Variants in BANP observed in about 807,000 individuals in gnomAD.
BANP encodes protein BANP.
Under a neutral mutation model 68.1 loss-of-function variants are expected in BANP, and 11 were observed. The observed-to-expected ratio is 0.16, with a 90% CI of 0.10 to 0.27. The LOEUF (loss-of-function observed/expected upper bound fraction) is 0.27. BANP is among the 10% of genes least tolerant of loss of function. The probability of loss-of-function intolerance (pLI) is 1.00; values close to 1 mark genes in which losing one functional copy is unlikely to be tolerated. For missense variants in BANP, 504 were observed against 722.7 expected (o/e 0.70, Z 3.47); for synonymous variants, 329 against 303.2 (o/e 1.09, Z -0.88).
intron 8 of BANP, among the ~76,000 whole-genome samples, chr16:88,029,709 G>C (rs2077742789): frequency 6.6e-6 from 1 of 151,976 alleles, no homozygotes; most frequent in Non-Finnish European, 1.5e-5. Context: ...GACAAAATTT[G>C]TGTCTGTGAA....
intron 7 of BANP, among the ~76,000 whole-genome samples, chr16:88,020,361 A>G (rs1232475136): frequency 6.6e-6 from 1 of 152,252 alleles, no homozygotes; most frequent in Non-Finnish European, 1.5e-5. Context: ...TGGCGTGGCC[A>G]GGAGCACACA....
chr16:88,002,536 A>G lies in BANP; in HGVS notation c.363-1759A>G, dbSNP rs139620914. Among the ~76,000 whole-genome samples, 1 of 152,264 alleles carries G rather than the reference A, an allele frequency of 6.6e-6. No homozygotes were observed. Among genetic ancestry groups the G allele is most frequent in the African/African-American group, 2.4e-5 (1 of 41,544 alleles). Reference sequence around the variant, plus strand: ...ACACACACATTGAGATACTCGCTCAAGGAGAGTCATCTTTAGGCAACAGGA... The same window carrying G: ...ACACACACATTGAGATACTCGCTCAGGGAGAGTCATCTTTAGGCAACAGGA... On this transcript the variant is annotated intron_variant, in intron 4 of 13. Transcript: ENST00000682872. This position sits in a 1 kb window ranked among gnomAD's most constrained non-coding sequence, Gnocchi z 4.6.
At chr16:87,990,585 A>G (rs1006465803) in intron 4 of BANP, among the ~76,000 whole-genome samples, 5 of 152,326 alleles carry the variant, frequency 3.3e-5, no homozygotes, top group African/African-American at 1.2e-4. Context: ...GAATCTGACA[A>G]ACTCAAGGGA....
chr16:88,026,542 C>G lies in BANP; in HGVS notation c.896-941C>G, dbSNP rs141641859. ...GAGTAACAGTGCATACATGAATTCT[C>G]CAAACTGTGTTTGCGAGGGGAACAG... On this transcript the variant is annotated intron_variant, in intron 7 of 13. Coordinates refer to ENST00000682872, the MANE Select transcript of BANP (RefSeq NM_001386991.1). 5.3e-3 allele frequency among the ~76,000 whole-genome samples: 808 copies of G among 152,276 alleles called. 7 individuals are homozygous for G. Among genetic ancestry groups the G allele is most frequent in the African/African-American group, 0.018 (756 of 41,546 alleles).
chr16:88,004,449 C>G lies in BANP; in HGVS notation c.479+38C>G. The G allele has an allele frequency of 8.6e-7, 1 of 1,160,718 alleles. No homozygotes were observed. The highest frequency in any genetic ancestry group is 1.2e-6 in the Non-Finnish European group (1 of 808,548). 71.9% of individuals were successfully genotyped at this position (1,160,718 alleles called of 1,614,324 possible). ...GCACCAACCCCACCTTTCCCTGCCACTGTGCGGAGTCCCATGAGAATAAGT... is the reference window on the plus strand; with the variant it reads ...GCACCAACCCCACCTTTCCCTGCCAGTGTGCGGAGTCCCATGAGAATAAGT... On this transcript the variant is annotated intron_variant, in intron 5 of 13. Coordinates refer to ENST00000682872, the MANE Select transcript of BANP (RefSeq NM_001386991.1). The surrounding 1 kb of genome is among the most constrained non-coding windows in gnomAD (Gnocchi z 7.0).
chr16:87,994,912 TA>T (rs1266891312), intron 4 of BANP, among the ~76,000 whole-genome samples: 2 of 152,208 alleles, frequency 1.3e-5, no homozygotes, highest in Non-Finnish European at 2.9e-5. Context: ...GACTTGTGAT[TA>T]GCATGGTGGG....
intron 4 of BANP, among the ~76,000 whole-genome samples, chr16:87,990,754 C>CTTTTG (rs771403112): frequency 3.4e-4 from 51 of 152,134 alleles, no homozygotes; most frequent in African/African-American, 9.6e-4. Flanking sequence ...CAGCTGCATA[C>CTTTTG]TTTTGTTTTG....
chr16:88,052,947 C>T (rs2083640631), intron 11 of BANP, among the ~76,000 whole-genome samples: 1 of 151,462 alleles, frequency 6.6e-6, no homozygotes, highest in Non-Finnish European at 1.5e-5. Flanking sequence ...CCATCACCAC[C>T]TTCACCACTA....
intron 2 of BANP, chr16:87,980,804 G>A: frequency 5.8e-6 from 3 of 518,142 alleles, no homozygotes; most frequent in Non-Finnish European, 1.0e-5. Context: ...TTTGGAGTTA[G>A]GACTGACTCA....
chr16:87,973,532 A>T (rs985854089), intron 1 of BANP, among the ~76,000 whole-genome samples: 9 of 152,178 alleles, frequency 5.9e-5, no homozygotes, highest in Non-Finnish European at 1.0e-4. Flanking sequence ...AGGCCGAGGC[A>T]TGCGGATCAC....
At chr16:87,987,235 C>T (rs995810805) in intron 4 of BANP, among the ~76,000 whole-genome samples, 5 of 152,076 alleles carry the variant, frequency 3.3e-5, no homozygotes, top group African/African-American at 4.8e-5. Flanking sequence ...TGCACCACGC[C>T]GCCTAGCTAA....
intron 11 of BANP, among the ~76,000 whole-genome samples, chr16:88,051,269 T>G (rs992855772): frequency 1.3e-5 from 2 of 152,206 alleles, no homozygotes; most frequent in Non-Finnish European, 2.9e-5. Context: ...GGGCAAAATG[T>G]CCATGCCAGA....
At chr16:88,035,793 C>A (rs556465577) in intron 10 of BANP, among the ~76,000 whole-genome samples, 1 of 152,208 alleles carries the variant, frequency 6.6e-6, no homozygotes, top group African/African-American at 2.4e-5. Context: ...CCATGTGGCC[C>A]CAGCTTCCTA....
At chr16:87,953,515 T>C (rs764247344) in intron 1 of BANP, among the ~76,000 whole-genome samples, 1 of 152,240 alleles carries the variant, frequency 6.6e-6, no homozygotes, top group Non-Finnish European at 1.5e-5. Context: ...AGCTGATATT[T>C]TGTATTACAC....
intron 2 of BANP, among the ~76,000 whole-genome samples, chr16:87,975,511 T>G (rs117303605): frequency 1.3e-5 from 2 of 152,172 alleles, no homozygotes; most frequent in Non-Finnish European, 2.9e-5. Context: ...CTTTACCATG[T>G]TGTATGTGTA....
At chr16:88,010,782 C>T (rs549350638) in intron 6 of BANP, among the ~76,000 whole-genome samples, 2 of 152,118 alleles carry the variant, frequency 1.3e-5, no homozygotes, top group African/African-American at 2.4e-5. Flanking sequence ...TATGCTGTGC[C>T]GATTCACACA....
At chr16:88,025,039 T>C (rs2076724093) in intron 7 of BANP, among the ~76,000 whole-genome samples, 1 of 152,186 alleles carries the variant, frequency 6.6e-6, no homozygotes, top group Non-Finnish European at 1.5e-5. Context: ...TCCTGGAGTG[T>C]GAAGGTGGGA....
At chr16:87,961,713 G>C (rs948331535) in intron 1 of BANP, among the ~76,000 whole-genome samples, 10 of 152,254 alleles carry the variant, frequency 6.6e-5, no homozygotes, top group African/African-American at 2.4e-4. Flanking sequence ...GTTGAAAGCT[G>C]GTCCCCAGTG....
chr16:87,996,892 A>C (rs1814925165), intron 4 of BANP, among the ~76,000 whole-genome samples: 1 of 152,190 alleles, frequency 6.6e-6, no homozygotes, highest in African/African-American at 2.4e-5. Context: ...TTTTAATTTT[A>C]TGTTGTATCT....
Sources: gnomAD v4.1 joint callset for allele counts (sites outside exome capture counted in the v4.1 genomes callset) on GRCh38, gnomAD v4.1.1 for gene constraint, Gnocchi (gnomAD v3.1) non-coding constraint, MANE v1.5 for transcripts, NCBI Gene and HGNC (gene_info 2026-07-23, HGNC 2026-07-21) for gene names.